CTIF: variants seen among roughly 807,000 people sequenced by gnomAD.
CTIF encodes the protein CBP80/20-dependent translation initiation factor.
CTIF carries 21 observed loss-of-function variants against 66.0 expected under a neutral mutation model. That is an observed-to-expected ratio of 0.32 (90% CI 0.23 to 0.46). The LOEUF is 0.46. Among genes scored for constraint, CTIF ranks in the 20% least tolerant of loss-of-function variants. The pLI is 1.00. For synonymous variants in CTIF, 345 were observed against 326.4 expected (o/e 1.06, Z -0.62); for missense variants, 739 against 812.7 (o/e 0.91, Z 1.10).
chr18:48,799,798 C>A (rs899304037), intron 9 of CTIF, among the ~76,000 whole-genome samples: 3 of 152,206 alleles, frequency 2.0e-5, no homozygotes, highest in Non-Finnish European at 4.4e-5. Context: ...CTGAGGGCCT[C>A]CAGGGGCCTA....
At chr18:48,572,382 G>A (rs2089436283) in intron 1 of CTIF, among the ~76,000 whole-genome samples, 1 of 152,190 alleles carries the variant, frequency 6.6e-6, no homozygotes, top group Non-Finnish European at 1.5e-5. Context: ...GATCCAAGAA[G>A]GATGAGGGTA....
At chr18:48,711,965 G>T (rs1228154800) in intron 7 of CTIF, among the ~76,000 whole-genome samples, 1 of 152,188 alleles carries the variant, frequency 6.6e-6, no homozygotes, top group Non-Finnish European at 1.5e-5. Context: ...GGGTCAGGCA[G>T]TGACCAGGCT....
At chr18:48,559,006 G>A (rs2089088010) in intron 1 of CTIF, among the ~76,000 whole-genome samples, 1 of 152,180 alleles carries the variant, frequency 6.6e-6, no homozygotes, top group Admixed American at 6.5e-5. Context: ...ATAATCACCT[G>A]TAGCACTGGA....
chr18:48,555,985 G>A (rs941821017), intron 1 of CTIF, among the ~76,000 whole-genome samples: 2 of 152,198 alleles, frequency 1.3e-5, no homozygotes, highest in Non-Finnish European at 2.9e-5. Context: ...CTTTTGCCAG[G>A]AGGAGGCAGG....
chr18:48,687,514 A>G (rs145308996), intron 6 of CTIF, among the ~76,000 whole-genome samples: 1 of 152,114 alleles, frequency 6.6e-6, no homozygotes, highest in African/African-American at 2.4e-5. Context: ...ATAAGGCTCT[A>G]TTGTCCTCCC....
At chr18:48,857,051 G>C (rs776935964) in intron 10 of CTIF, among the ~76,000 whole-genome samples, 3 of 152,210 alleles carry the variant, frequency 2.0e-5, no homozygotes, top group Non-Finnish European at 4.4e-5. Flanking sequence ...CAGCCCCTGA[G>C]TAAGTCCACA....
At chr18:48,846,537 G>A (rs2069079278) in intron 10 of CTIF, among the ~76,000 whole-genome samples, 1 of 149,056 alleles carries the variant, frequency 6.7e-6, no homozygotes. Context: ...ATGGATGGAT[G>A]GATAGGTGAA....
At chr18:48,564,593 T>A (rs1027029812) in intron 1 of CTIF, among the ~76,000 whole-genome samples, 2 of 152,196 alleles carry the variant, frequency 1.3e-5, no homozygotes, top group African/African-American at 4.8e-5. Context: ...GAGGTTACCT[T>A]CTTGGTGTAG....
In CTIF at chr18:48,664,548, A is replaced by G. The variant is rs373176882; in HGVS notation, c.428A>G (p.Glu143Gly). Reference sequence around the variant, plus strand: ...CAGCCCCTGCCACACATCGACCGCGAAGGGTAAGGGGTGCTGGGGCTCTTA... The same window carrying G: ...CAGCCCCTGCCACACATCGACCGCGGAGGGTAAGGGGTGCTGGGGCTCTTA... ...PKQPLPHIDR[E>G]GCGKGKLEDG... The change falls in exon 5 of 12, where the codon GAA becomes GGA. Residue 143 changes from glutamate (E) to glycine (G), a missense_variant. Glu to Gly is a moderately conservative substitution (Grantham distance 98). This residue lies in a region of CTIF where 529 missense variants were observed against 520.3 expected (regional missense o/e 1.02). Coordinates refer to ENST00000256413, the MANE Select transcript of CTIF (RefSeq NM_014772.3). The G allele has an allele frequency of 4.1e-5, 66 of 1,610,664 alleles. No individual in the cohort carries two copies. Among genetic ancestry groups the G allele is most frequent in the Non-Finnish European group, 5.6e-5 (66 of 1,179,830 alleles).
intron 10 of CTIF, among the ~76,000 whole-genome samples, chr18:48,841,589 G>T (rs980365696): frequency 6.6e-6 from 1 of 152,230 alleles, no homozygotes. Context: ...TCAAGGAGAC[G>T]CTCTGTCTCT....
rs141111209 is a variant in CTIF at position 48,841,880 on chromosome 18, C to T, written c.1528-15708C>T. On this transcript the variant is annotated intron_variant, in intron 10 of 11. Coordinates refer to ENST00000256413, the MANE Select transcript of CTIF (RefSeq NM_014772.3). ...GTTTCCTTCTGGGGCTGAGCTCCAACGCCCTTATCTCCTTTCCTGCCAGGC... is the reference window on the plus strand; with the variant it reads ...GTTTCCTTCTGGGGCTGAGCTCCAATGCCCTTATCTCCTTTCCTGCCAGGC... Among the ~76,000 whole-genome samples, 6 of 152,266 alleles carry T rather than the reference C, an allele frequency of 3.9e-5. No homozygotes were observed. In the East Asian group the frequency reaches 9.7e-4, roughly 25 times the overall value.
intron 9 of CTIF, among the ~76,000 whole-genome samples, chr18:48,770,259 G>C (rs1263007320): frequency 6.6e-6 from 1 of 152,212 alleles, no homozygotes; most frequent in East Asian, 1.9e-4. Flanking sequence ...AGGCCCCCAG[G>C]GACCAGTGAG....
chr18:48,732,324 G>A (rs1045722593), intron 7 of CTIF, among the ~76,000 whole-genome samples: 10 of 152,166 alleles, frequency 6.6e-5, no homozygotes, highest in African/African-American at 2.4e-4. Context: ...GAAGGCTGTA[G>A]GAAAAATAGA....
At chr18:48,849,100 C>T (rs772106400) in intron 10 of CTIF, among the ~76,000 whole-genome samples, 10 of 151,846 alleles carry the variant, frequency 6.6e-5, no homozygotes, top group Non-Finnish European at 1.2e-4. Flanking sequence ...GCAGGCTGGT[C>T]TCCTTCATGG....
intron 1 of CTIF, among the ~76,000 whole-genome samples, chr18:48,596,315 T>C (rs1317789689): frequency 6.6e-6 from 1 of 152,216 alleles, no homozygotes; most frequent in Non-Finnish European, 1.5e-5. Flanking sequence ...TGCTTTGCCC[T>C]GTGTAATAGT....
chr18:48,852,040 T>G (rs1354350576), intron 10 of CTIF, among the ~76,000 whole-genome samples: 1 of 151,890 alleles, frequency 6.6e-6, no homozygotes, highest in African/African-American at 2.4e-5. Context: ...AAAACCAGCC[T>G]GGGCAACATA....
At chr18:48,578,460 A>G (rs1180372164) in intron 1 of CTIF, among the ~76,000 whole-genome samples, 2 of 152,168 alleles carry the variant, frequency 1.3e-5, no homozygotes, top group East Asian at 3.9e-4. Context: ...TGAGGGTTCC[A>G]GTTTCTCTAC....
intron 6 of CTIF, among the ~76,000 whole-genome samples, chr18:48,677,509 C>T (rs1360806630): frequency 6.6e-6 from 1 of 152,216 alleles, no homozygotes; most frequent in Non-Finnish European, 1.5e-5. Flanking sequence ...GAGTGCTTTC[C>T]GTGTTCCAGG....
intron 10 of CTIF, among the ~76,000 whole-genome samples, chr18:48,856,448 C>G (rs2069329867): frequency 6.6e-6 from 1 of 152,138 alleles, no homozygotes; most frequent in African/African-American, 2.4e-5. Context: ...CCAGGAAAAG[C>G]CTGGTACACG....
Sources: gnomAD v4.1 joint callset for allele counts (sites outside exome capture counted in the v4.1 genomes callset) on GRCh38, gnomAD v4.1.1 for gene constraint, gnomAD v4.1.1 regional missense constraint, MANE v1.5 for transcripts, NCBI Gene and HGNC (gene_info 2026-07-23, HGNC 2026-07-21) for gene names.